Variants in ST6GALNAC3 observed in about 807,000 individuals in gnomAD.
The protein encoded by ST6GALNAC3 is ST6 N-acetylgalactosaminide alpha-2,6-sialyltransferase 3.
In ST6GALNAC3, 25 loss-of-function variants were observed where a neutral mutation model predicts 32.7. The ratio of observed to expected loss-of-function variants is 0.76; its 90% CI spans 0.56 to 1.07. The LOEUF (loss-of-function observed/expected upper bound fraction) is 1.07, where lower values mean the gene tolerates loss of function less well. Ranked by LOEUF, ST6GALNAC3 falls within the 50% of genes least tolerant of loss-of-function variation. The pLI is 0.00. For synonymous variants in ST6GALNAC3, 129 were observed against 133.1 expected (o/e 0.97, Z 0.21); for missense variants, 355 against 382.4 (o/e 0.93, Z 0.60).
chr1:76,546,544 G>T (rs917199941), intron 3 of ST6GALNAC3, among the ~76,000 whole-genome samples: 6 of 152,170 alleles, frequency 3.9e-5, no homozygotes, highest in African/African-American at 1.4e-4. Context: ...AAATGCAAAT[G>T]ACCTTTGAGA....
chr1:76,450,510 C>T (rs1276392091), intron 3 of ST6GALNAC3, among the ~76,000 whole-genome samples: 2 of 152,156 alleles, frequency 1.3e-5, no homozygotes, highest in Admixed American at 6.5e-5. Flanking sequence ...TTCTCCCACT[C>T]TACAGGTTGT....
intron 2 of ST6GALNAC3, among the ~76,000 whole-genome samples, chr1:76,354,442 C>G (rs1277374435): frequency 1.3e-5 from 2 of 152,212 alleles, no homozygotes; most frequent in Non-Finnish European, 2.9e-5. Flanking sequence ...CCTGGAACAG[C>G]TCCTGTCCCA....
intron 1 of ST6GALNAC3, among the ~76,000 whole-genome samples, chr1:76,194,031 A>G (rs1654056217): frequency 1.3e-5 from 2 of 152,194 alleles, no homozygotes; most frequent in African/African-American, 2.4e-5. Context: ...GAGGGAACAC[A>G]TAGCAATCCA....
At chr1:76,578,260 A>T (rs1646840530) in intron 3 of ST6GALNAC3, among the ~76,000 whole-genome samples, 1 of 152,200 alleles carries the variant, frequency 6.6e-6, no homozygotes, top group South Asian at 2.1e-4. Context: ...TTCTTGAAAC[A>T]TGCTAATTTT....
chr1:76,574,253 C>T (rs181037572), intron 3 of ST6GALNAC3, among the ~76,000 whole-genome samples: 213 of 151,944 alleles, frequency 1.4e-3, no homozygotes, highest in African/African-American at 4.9e-3. Context: ...TGTGTATCTA[C>T]AATAATGGAT....
intron 3 of ST6GALNAC3, among the ~76,000 whole-genome samples, chr1:76,468,369 T>G (rs1366284575): frequency 6.6e-6 from 1 of 152,064 alleles, no homozygotes; most frequent in Non-Finnish European, 1.5e-5. Flanking sequence ...GTTAGCTTTC[T>G]GCATTCACAT....
intron 2 of ST6GALNAC3, among the ~76,000 whole-genome samples, chr1:76,357,872 G>T (rs1649613491): frequency 6.6e-6 from 1 of 152,142 alleles, no homozygotes; most frequent in South Asian, 2.1e-4. Context: ...CCTAGAAATG[G>T]TAAAATGTCA....
chr1:76,542,825 G>C (rs544284139), intron 3 of ST6GALNAC3, among the ~76,000 whole-genome samples: 1 of 152,274 alleles, frequency 6.6e-6, no homozygotes, highest in East Asian at 1.9e-4. Flanking sequence ...TGTTAATGAA[G>C]TGACACAATC....
At chr1:76,161,109 A>G (rs2100377313) in intron 1 of ST6GALNAC3, among the ~76,000 whole-genome samples, 2 of 152,268 alleles carry the variant, frequency 1.3e-5, no homozygotes, top group Admixed American at 1.3e-4. Flanking sequence ...ACTCTCCAGC[A>G]TTGTTAAGTG....
chr1:76,505,849 T>TGG (rs1417798301), intron 3 of ST6GALNAC3, among the ~76,000 whole-genome samples: 1 of 151,726 alleles, frequency 6.6e-6, no homozygotes, highest in Non-Finnish European at 1.5e-5. Flanking sequence ...AACGTGTGCA[T>TGG]GGGGAAAGTG....
In ST6GALNAC3 at chr1:76,113,625, T is replaced by G. The variant is rs1557625815; in HGVS notation, c.18+38741T>G. On this transcript the variant is annotated intron_variant, in intron 1 of 4. Transcript: ENST00000328299. ...GTAATGACCTCATCTCATCTAGCTGTCAACAATGGCCCCCTTTTGGCCAGA... is the reference window on the plus strand; with the variant it reads ...GTAATGACCTCATCTCATCTAGCTGGCAACAATGGCCCCCTTTTGGCCAGA... 2.0e-5 allele frequency among the ~76,000 whole-genome samples: 3 copies of G among 152,096 alleles called. No homozygotes were observed. The East Asian group carries it at 5.8e-4, about 29-fold the overall frequency.
intron 2 of ST6GALNAC3, among the ~76,000 whole-genome samples, chr1:76,324,207 A>T (rs1035867208): frequency 2.0e-5 from 3 of 152,298 alleles, no homozygotes; most frequent in African/African-American, 7.2e-5. Context: ...TAGAACTTTC[A>T]CTATCATTTA....
chr1:76,328,544 C>T (rs888986253), intron 2 of ST6GALNAC3, among the ~76,000 whole-genome samples: 1 of 152,148 alleles, frequency 6.6e-6, no homozygotes, highest in Non-Finnish European at 1.5e-5. Context: ...TACTCAAGCC[C>T]CATTTTAAAA....
intron 1 of ST6GALNAC3, among the ~76,000 whole-genome samples, chr1:76,117,115 A>G (rs1359616492): frequency 6.6e-6 from 1 of 152,158 alleles, no homozygotes; most frequent in African/African-American, 2.4e-5. Flanking sequence ...ACTAGCCACA[A>G]TTAGTTTCTG....
intron 3 of ST6GALNAC3, among the ~76,000 whole-genome samples, chr1:76,540,194 ATTTCC>A (rs1663902679): frequency 6.6e-6 from 1 of 152,170 alleles, no homozygotes; most frequent in African/African-American, 2.4e-5. Flanking sequence ...TACTGAGATC[ATTTCC>A]TTTGCAGGGA....
intron 3 of ST6GALNAC3, among the ~76,000 whole-genome samples, chr1:76,600,716 T>C (rs886251163): frequency 1.3e-5 from 2 of 152,232 alleles, no homozygotes; most frequent in African/African-American, 4.8e-5. Context: ...AATAAATGCA[T>C]CAAAGCAATA....
chr1:76,597,415 C>A (rs538165211), intron 3 of ST6GALNAC3, among the ~76,000 whole-genome samples: 26 of 152,024 alleles, frequency 1.7e-4, no homozygotes, highest in Non-Finnish European at 2.9e-4. Flanking sequence ...GACATACACA[C>A]AACGCTAAGA....
intron 3 of ST6GALNAC3, among the ~76,000 whole-genome samples, chr1:76,620,126 G>A (rs899735254): frequency 7.9e-5 from 12 of 152,064 alleles, no homozygotes; most frequent in African/African-American, 2.9e-4. Context: ...CTCGCACCTA[G>A]AAAGTACTCA....
At chr1:76,234,688 C>T (rs974923569) in intron 1 of ST6GALNAC3, among the ~76,000 whole-genome samples, 2 of 152,088 alleles carry the variant, frequency 1.3e-5, no homozygotes, top group Non-Finnish European at 2.9e-5. Flanking sequence ...ATAGAGGCAG[C>T]CATGAGAAAC....
Sources: allele counts gnomAD v4.1 joint callset (sites outside exome capture counted in the v4.1 genomes callset), GRCh38; gene constraint gnomAD v4.1.1; transcripts MANE v1.5; gene names NCBI Gene and HGNC (gene_info 2026-07-23, HGNC 2026-07-21).